Variants in NXNL2 observed in about 807,000 individuals in gnomAD.
NXNL2 encodes nucleoredoxin like 2.
Under a neutral mutation model 11.1 loss-of-function variants are expected in NXNL2, and 7 were observed. That is an observed-to-expected ratio of 0.63 (90% CI 0.36 to 1.18). The LOEUF (loss-of-function observed/expected upper bound fraction) is 1.18. NXNL2 is among the 50% of genes most tolerant of loss of function. The probability of loss-of-function intolerance (pLI) is 0.02; values close to 1 mark genes in which losing one functional copy is unlikely to be tolerated. For missense variants in NXNL2, 233 were observed against 217.7 expected (o/e 1.07, Z -0.44); for synonymous variants, 109 against 101.8 (o/e 1.07, Z -0.42).
intron 1 of NXNL2, among the ~76,000 whole-genome samples, chr9:88,564,037 C>G (rs1221750705): frequency 6.6e-6 from 1 of 151,668 alleles, no homozygotes; most frequent in Non-Finnish European, 1.5e-5. Context: ...ATGGTGAAAC[C>G]CTGTCTCTAC....
rs978836961 is a variant in NXNL2 at position 88,535,305 on chromosome 9, A to T, written c.-130A>T. 1.2e-6 allele frequency: 1 copy of T among 846,492 alleles called. No homozygotes were observed. The allele number at this position is 846,492 out of a possible 1,614,324, so 52.4% of individuals were successfully genotyped here. ...GCCAAGGTGTGGGCGCATCTGGGGC[A>T]GGTCTTGAGAGGTCCAGCGCCCGGT... On this transcript the variant is annotated 5_prime_UTR_variant, in exon 1 of 2. Transcript: ENST00000375854.
chr9:88,550,965 G>T (rs867622577), intron 1 of NXNL2, among the ~76,000 whole-genome samples: 1 of 152,124 alleles, frequency 6.6e-6, no homozygotes, highest in African/African-American at 2.4e-5. Flanking sequence ...ACTTCTCAAG[G>T]CTGGGTAGGT....
Position 88,544,606 on chromosome 9 carries a change from G to T in NXNL2, c.*59G>T. ...CTGCTTCTCCAGCACCGACGCTGGG[G>T]CAAAGAGGAGCATGTTGGGTTCCTT... On this transcript the variant is annotated 3_prime_UTR_variant, in exon 2 of 2. Transcript: ENST00000375854. 1 of 1,459,216 alleles carries T rather than the reference G, an allele frequency of 6.9e-7. No individual in the cohort carries two copies. The highest frequency in any genetic ancestry group is 9.1e-7 in the Non-Finnish European group (1 of 1,101,564). The allele number at this position is 1,459,216 out of a possible 1,614,324, so 90.4% of individuals were successfully genotyped here. A position where few individuals can be genotyped will look rare whatever the true frequency, so the allele number is the denominator to read the frequency against.
chr9:88,572,727 C>T (rs1830290768), intron 2 of NXNL2, among the ~76,000 whole-genome samples: 1 of 152,216 alleles, frequency 6.6e-6, no homozygotes, highest in Admixed American at 6.5e-5. Flanking sequence ...CTCCATCCCC[C>T]ATGTCACCCT....
chr9:88,584,273 G>A (rs572492719), exon 2 of NXNL2: 1 of 152,338 alleles, frequency 6.6e-6, no homozygotes, highest in East Asian at 1.9e-4. Flanking sequence ...GAGGAAGGAA[G>A]TAATTAACTA....
At position 88,544,526 on chromosome 9, in the gene NXNL2, C is replaced by G. The variant is rs761992428; in HGVS notation, c.450C>G (p.Ile150Met). Residue 150 changes from isoleucine to methionine, a missense_variant, in exon 2 of 2, where the codon ATC (isoleucine) becomes ATG (methionine). Ile to Met is a conservative substitution (Grantham distance 10). Transcript: ENST00000375854. ...AGGACTGGGTGGAGGCGGCCGATAT[C>G]TTCCAGAATTTCTCCGTTTGAAGTG... The part of the protein sequence containing the change: ...CFQDWVEAAD[I>M]FQNFSV The G allele has an allele frequency of 6.5e-7, 1 of 1,542,054 alleles. No homozygotes were observed. Among genetic ancestry groups the G allele is most frequent in the Admixed American group, 2.0e-5 (1 of 50,380 alleles).
Position 88,543,981 on chromosome 9 carries a change from C to T in NXNL2, c.303-398C>T, listed in dbSNP as rs146151918. ...GGCCCGGAGGTCGAGGCCAGTCTGG[C>T]CAACATGGTGAAACCCCATCTCTAC... On this transcript the variant is annotated intron_variant, in intron 1 of 1. Transcript: ENST00000375854. 1.2e-4 allele frequency among the ~76,000 whole-genome samples: 18 copies of T among 152,258 alleles called. No homozygotes were observed. In the East Asian group the frequency reaches 3.1e-3, roughly 26 times the overall value.
chr9:88,560,640 G>T (rs1030815416), intron 1 of NXNL2, among the ~76,000 whole-genome samples: 22 of 152,164 alleles, frequency 1.4e-4, no homozygotes, highest in East Asian at 5.8e-4. Context: ...GCAGTGCTGT[G>T]CATTGTAAAT....
chr9:88,547,187 A>G (rs115236574), downstream of NXNL2, among the ~76,000 whole-genome samples: 2,167 of 152,292 alleles, frequency 0.014, 61 homozygotes, highest in African/African-American at 0.049. Context: ...TGTCCACTGA[A>G]TTTGTTGAAG....
intron 1 of NXNL2, among the ~76,000 whole-genome samples, chr9:88,540,204 C>T (rs1587840552): frequency 2.6e-5 from 4 of 151,906 alleles, no homozygotes; most frequent in East Asian, 2.0e-4. Flanking sequence ...TGGTGGCGGG[C>T]GCCTGTGGTC....
intron 1 of NXNL2, among the ~76,000 whole-genome samples, chr9:88,561,987 C>T (rs540487085): frequency 1.3e-5 from 2 of 152,274 alleles, no homozygotes; most frequent in South Asian, 2.1e-4. Flanking sequence ...AAAGACACGA[C>T]CAGGAATGTG....
chr9:88,580,043 G>A (rs887259233), downstream of NXNL2, among the ~76,000 whole-genome samples: 1 of 152,020 alleles, frequency 6.6e-6, no homozygotes, highest in Non-Finnish European at 1.5e-5. Context: ...AGGAGGCTGA[G>A]GCAGGAGAAT....
Position 88,535,571 on chromosome 9 carries a change from C to A in NXNL2, c.137C>A (p.Pro46Gln), listed in dbSNP as rs113838429. The change falls in exon 1 of 2, where the codon CCG becomes CAG. Residue 46 changes from proline (P) to glutamine (Q), a missense_variant. Pro to Gln is a moderately conservative substitution (Grantham distance 76). Transcript: ENST00000375854. ...TGCGCGCCGAGCCGCGACTTCACGC[C>A]GCTGCTCTGCGACTTCTATACGGCG... ...ARCAPSRDFT[P>Q]LLCDFYTALV... The A allele has an allele frequency of 6.8e-6, 11 of 1,609,582 alleles. No individual in the cohort carries two copies. The highest frequency in any genetic ancestry group is 1.7e-4 in the Middle Eastern group (1 of 6,032).
intron 1 of NXNL2, among the ~76,000 whole-genome samples, chr9:88,544,005 A>G (rs1829809795): frequency 6.6e-6 from 1 of 152,148 alleles, no homozygotes. Context: ...CCCCATCTCT[A>G]CTAAAAATAC....
intron 1 of NXNL2, among the ~76,000 whole-genome samples, chr9:88,561,214 GA>G (rs1830081147): frequency 6.6e-6 from 1 of 152,104 alleles, no homozygotes; most frequent in African/African-American, 2.4e-5. Flanking sequence ...TGAAGAGATG[GA>G]ACGGGCCTAG....
intron 1 of NXNL2, 101 bp downstream of exon 1, chr9:88,535,837 C>A (rs1264277376): frequency 1.1e-5 from 10 of 875,720 alleles, no homozygotes; most frequent in Non-Finnish European, 1.7e-5. Flanking sequence ...TGACGCCCCC[C>A]CCCAACACCT....
At chr9:88,551,676 T>C (rs1829934785) in intron 1 of NXNL2, among the ~76,000 whole-genome samples, 1 of 152,102 alleles carries the variant, frequency 6.6e-6, no homozygotes, top group Non-Finnish European at 1.5e-5. Flanking sequence ...CTCTCTCCTG[T>C]TTATTTTGGG....
At chr9:88,557,655 G>A (rs1055101193) in intron 1 of NXNL2, among the ~76,000 whole-genome samples, 6 of 152,174 alleles carry the variant, frequency 3.9e-5, no homozygotes, top group African/African-American at 1.2e-4. Flanking sequence ...GTCCAAAAAT[G>A]AGCGCTGACT....
intron 1 of NXNL2, among the ~76,000 whole-genome samples, chr9:88,554,852 A>G (rs938683824): frequency 2.6e-5 from 4 of 152,108 alleles, no homozygotes; most frequent in African/African-American, 4.8e-5. Context: ...ACCATGGGGG[A>G]ACTTAAGCCT....
Sources: allele counts gnomAD v4.1 joint callset (sites outside exome capture counted in the v4.1 genomes callset), GRCh38; gene constraint gnomAD v4.1.1; transcripts MANE v1.5; gene names NCBI Gene and HGNC (gene_info 2026-07-23, HGNC 2026-07-21).